KLHL7: variants seen among roughly 807,000 people sequenced by gnomAD.
KLHL7 encodes the protein kelch like family member 7, also known as kelch-like protein 7.
In KLHL7, 44 loss-of-function variants were observed where a neutral mutation model predicts 67.4. The observed-to-expected ratio is 0.65, with a 90% CI of 0.51 to 0.84. The LOEUF is 0.84. Among genes scored for constraint, KLHL7 ranks in the 40% least tolerant of loss-of-function variants. The pLI is 0.00. For missense variants in KLHL7, 362 were observed against 718.1 expected, an observed-to-expected ratio of 0.50 and a Z score of 5.67; for synonymous variants, 252 against 243.3, an observed-to-expected ratio of 1.04 and a Z score of -0.33.
chr7:23,146,459 A>G (rs1784358121), intron 6 of KLHL7, among the ~76,000 whole-genome samples: 1 of 152,194 alleles, frequency 6.6e-6, no homozygotes, highest in African/African-American at 2.4e-5. Context: ...TGTTTGGGAT[A>G]GCTTTCAAGA....
intron 9 of KLHL7, among the ~76,000 whole-genome samples, chr7:23,169,189 G>A (rs1046677304): frequency 7.2e-5 from 11 of 152,062 alleles, no homozygotes; most frequent in African/African-American, 2.7e-4. Context: ...AACCTGGGAG[G>A]CGGAGGTTGC....
chr7:23,155,391 G>A (rs990669144), intron 7 of KLHL7, among the ~76,000 whole-genome samples: 2 of 152,038 alleles, frequency 1.3e-5, no homozygotes, highest in African/African-American at 4.8e-5. Context: ...GGCCAGGCAC[G>A]GTGGCTCACA....
intron 7 of KLHL7, among the ~76,000 whole-genome samples, chr7:23,158,563 T>A (rs1784772286): frequency 6.6e-6 from 1 of 152,220 alleles, no homozygotes; most frequent in Non-Finnish European, 1.5e-5. Flanking sequence ...TATCCTTACC[T>A]GTTACTAACA....
At chr7:23,128,553 A>G (rs1783673148) in intron 4 of KLHL7, among the ~76,000 whole-genome samples, 1 of 152,164 alleles carries the variant, frequency 6.6e-6, no homozygotes, top group Admixed American at 6.5e-5. Flanking sequence ...TTCACCTTCA[A>G]AGATCAAAAG....
Position 23,174,042 on chromosome 7 carries a change from A to C in KLHL7, c.1505A>C (p.Asp502Ala). The C allele has an allele frequency of 6.2e-7, 1 of 1,614,132 alleles. No homozygotes were observed. The highest frequency in any genetic ancestry group is 8.5e-7 in the Non-Finnish European group (1 of 1,180,000). Reference protein sequence around the residue: ...LGGLDNVEYYDIKLNEWKMVS... With the variant: ...LGGLDNVEYYAIKLNEWKMVS... Reference sequence around the variant, plus strand: ...GGTCTGGACAATGTGGAATATTACGATATTAAGTTGAACGAATGGAAGATG... The same window carrying C: ...GGTCTGGACAATGTGGAATATTACGCTATTAAGTTGAACGAATGGAAGATG... The change falls in exon 11 of 11, where the codon GAT becomes GCT. Residue 502 changes from aspartate (D) to alanine (A), a missense_variant. Physicochemically the swap from Asp to Ala is moderately radical, Grantham distance 126. Coordinates refer to ENST00000339077, the MANE Select transcript of KLHL7 (RefSeq NM_001031710.3).
chr7:23,134,655 T>G (rs1783914206), intron 4 of KLHL7, among the ~76,000 whole-genome samples: 1 of 152,198 alleles, frequency 6.6e-6, no homozygotes, highest in South Asian at 2.1e-4. Flanking sequence ...TGTTCACATT[T>G]GTATTACTTC....
intron 4 of KLHL7, among the ~76,000 whole-genome samples, chr7:23,135,368 G>A (rs1047337691): frequency 5.3e-5 from 8 of 152,086 alleles, no homozygotes; most frequent in Non-Finnish European, 1.0e-4. Flanking sequence ...CTATCCTTGA[G>A]AATGATCCAT....
At chr7:23,137,781 G>T (rs1784032757) in intron 4 of KLHL7, among the ~76,000 whole-genome samples, 1 of 139,528 alleles carries the variant, frequency 7.2e-6, no homozygotes, top group Admixed American at 7.6e-5. Context: ...GCCTGGCCAG[G>T]TTTTATGCTT....
intron 4 of KLHL7, among the ~76,000 whole-genome samples, chr7:23,140,089 C>T (rs979397540): frequency 3.3e-5 from 5 of 152,166 alleles, no homozygotes; most frequent in Non-Finnish European, 7.3e-5. Context: ...CTCCATGCTG[C>T]AGAAGTTGTC....
At chr7:23,111,414 T>C (rs1295088121) in intron 1 of KLHL7, among the ~76,000 whole-genome samples, 1 of 152,256 alleles carries the variant, frequency 6.6e-6, no homozygotes, top group Non-Finnish European at 1.5e-5. Flanking sequence ...GACCTGCCCA[T>C]GCATAGCTTC....
chr7:23,149,737 T>C (rs182524375), intron 6 of KLHL7, among the ~76,000 whole-genome samples: 86 of 152,354 alleles, frequency 5.6e-4, no homozygotes, highest in Non-Finnish European at 9.0e-4. Flanking sequence ...AAACCATATG[T>C]GGCCTGCAAA....
At chr7:23,169,388 A>G (rs1435215129) in intron 9 of KLHL7, among the ~76,000 whole-genome samples, 1 of 152,238 alleles carries the variant, frequency 6.6e-6, no homozygotes, top group African/African-American at 2.4e-5. Flanking sequence ...TTTCCAGTGC[A>G]AATAATAGAA....
At chr7:23,110,141 A>C (rs917995986) in intron 1 of KLHL7, among the ~76,000 whole-genome samples, 1 of 152,074 alleles carries the variant, frequency 6.6e-6, no homozygotes, top group African/African-American at 2.4e-5. Flanking sequence ...TTGTTTTACT[A>C]TTTTCCTCCA....
At chr7:23,135,016 TAC>T (rs1425427194) in intron 4 of KLHL7, among the ~76,000 whole-genome samples, 2 of 152,216 alleles carry the variant, frequency 1.3e-5, no homozygotes, top group African/African-American at 4.8e-5. Flanking sequence ...TTCTTTAAGA[TAC>T]ATCATTAGAT....
intron 7 of KLHL7, among the ~76,000 whole-genome samples, chr7:23,165,235 C>T (rs527951357): frequency 5.9e-5 from 9 of 152,290 alleles, no homozygotes; most frequent in Admixed American, 1.3e-4. Flanking sequence ...TACCTTCTGG[C>T]TTTAGACTAT....
chr7:23,149,631 A>G lies in KLHL7; in HGVS notation c.794-2436A>G, dbSNP rs187904261. On this transcript the variant is annotated intron_variant, in intron 6 of 10. Coordinates refer to ENST00000339077, the MANE Select transcript of KLHL7 (RefSeq NM_001031710.3). ...CTGATGCTGCTGGTTATGGAAGCAC[A>G]CTTCAAGAACTACCCACAGGCTAAA... is the stretch of plus-strand genomic sequence containing the variant. Among the ~76,000 whole-genome samples, 20 of 152,348 alleles carry G rather than the reference A, an allele frequency of 1.3e-4. No homozygotes were observed. In the East Asian group the frequency reaches 3.3e-3, roughly 25 times the overall value.
At chr7:23,113,297 C>G (rs1161046554) in intron 1 of KLHL7, among the ~76,000 whole-genome samples, 1 of 152,170 alleles carries the variant, frequency 6.6e-6, no homozygotes, top group Non-Finnish European at 1.5e-5. Flanking sequence ...GAATATTAAG[C>G]TAGCCTTCAA....
intron 4 of KLHL7, among the ~76,000 whole-genome samples, chr7:23,136,060 C>T (rs956150374): frequency 6.6e-6 from 1 of 152,130 alleles, no homozygotes; most frequent in African/African-American, 2.4e-5. Flanking sequence ...TCTTCTGCTG[C>T]CATGAGAAGA....
At chr7:23,110,307 C>T (rs1322964457) in intron 1 of KLHL7, among the ~76,000 whole-genome samples, 1 of 152,194 alleles carries the variant, frequency 6.6e-6, no homozygotes, top group Non-Finnish European at 1.5e-5. Flanking sequence ...CTCTTCTTAT[C>T]CTGCTACAAT....
Sources: allele counts gnomAD v4.1 joint callset (sites outside exome capture counted in the v4.1 genomes callset), GRCh38; gene constraint gnomAD v4.1.1; transcripts MANE v1.5; gene names NCBI Gene and HGNC (gene_info 2026-07-23, HGNC 2026-07-21).